Variants in CBLN2 observed in about 807,000 individuals in gnomAD.
CBLN2 encodes cerebellin-2.
CBLN2 carries 7 observed loss-of-function variants against 15.0 expected under a neutral mutation model. That is an observed-to-expected ratio of 0.47 (90% CI 0.27 to 0.88). The LOEUF (loss-of-function observed/expected upper bound fraction) is 0.88, where lower values mean the gene tolerates loss of function less well. Ranked by LOEUF, CBLN2 falls within the 40% of genes least tolerant of loss-of-function variation. The probability of loss-of-function intolerance (pLI) is 0.14; values close to 1 mark genes in which losing one functional copy is unlikely to be tolerated. For missense variants in CBLN2, 242 were observed against 304.5 expected, an observed-to-expected ratio of 0.79 and a Z score of 1.53; for synonymous variants, 149 against 135.2, an observed-to-expected ratio of 1.10 and a Z score of -0.71.
At chr18:72,601,198 T>C (rs906807694) in intron 1 of CBLN2, among the ~76,000 whole-genome samples, 1 of 152,178 alleles carries the variant, frequency 6.6e-6, no homozygotes, top group Non-Finnish European at 1.5e-5. Context: ...AAGGTTGAAG[T>C]ACAAACTCAA....
At chr18:72,597,610 C>T (rs1238882650) in intron 1 of CBLN2, among the ~76,000 whole-genome samples, 3 of 152,174 alleles carry the variant, frequency 2.0e-5, no homozygotes, top group South Asian at 2.1e-4. Context: ...CAGCCAGGCT[C>T]ATGTCCTTCT....
intron 3 of CBLN2, among the ~76,000 whole-genome samples, chr18:72,541,412 T>C (rs1411226886): frequency 6.6e-6 from 1 of 152,132 alleles, no homozygotes; most frequent in Non-Finnish European, 1.5e-5. Context: ...GAGTTTTAAA[T>C]GCACTCAATC....
intron 1 of CBLN2, among the ~76,000 whole-genome samples, chr18:72,637,281 CAA>C (rs56971218): frequency 0.087 from 13,120 of 150,234 alleles, 806 homozygotes; most frequent in Admixed American, 0.21. Context: ...ACAGAACAAG[CAA>C]AAAAAAAAAA....
intron 1 of CBLN2, chr18:72,625,346 A>C (rs954297836): frequency 6.6e-6 from 1 of 152,094 alleles, no homozygotes; most frequent in Non-Finnish European, 1.5e-5. Flanking sequence ...CAAACAATCA[A>C]GCCTTTCTGT....
At chr18:72,633,112 A>G (rs995671614) in intron 1 of CBLN2, among the ~76,000 whole-genome samples, 18 of 152,202 alleles carry the variant, frequency 1.2e-4, no homozygotes, top group African/African-American at 4.3e-4. Flanking sequence ...AAGTATTCAA[A>G]AAATCAACGG....
intron 1 of CBLN2, among the ~76,000 whole-genome samples, chr18:72,567,684 C>T (rs975504971): frequency 6.6e-6 from 1 of 152,130 alleles, no homozygotes; most frequent in Non-Finnish European, 1.5e-5. Flanking sequence ...TCCCTCTTTC[C>T]TTTTCTCTTT....
At chr18:72,608,280 G>C (rs1384624520) in intron 1 of CBLN2, among the ~76,000 whole-genome samples, 5 of 152,090 alleles carry the variant, frequency 3.3e-5, no homozygotes, top group Non-Finnish European at 7.3e-5. Context: ...CTTTTCTCCT[G>C]GGGGGATAAG....
At chr18:72,610,629 C>G (rs2069615542) in intron 1 of CBLN2, among the ~76,000 whole-genome samples, 1 of 152,160 alleles carries the variant, frequency 6.6e-6, no homozygotes, top group African/African-American at 2.4e-5. Context: ...TGTTACTCCT[C>G]TGAAGCAATG....
intron 1 of CBLN2, among the ~76,000 whole-genome samples, chr18:72,586,835 T>G (rs1469798389): frequency 1.3e-5 from 2 of 152,134 alleles, no homozygotes; most frequent in African/African-American, 4.8e-5. Flanking sequence ...GGGTGTTATT[T>G]CTGAGATTTC....
At chr18:72,582,704 C>A (rs1230442646) in intron 1 of CBLN2, among the ~76,000 whole-genome samples, 2 of 152,020 alleles carry the variant, frequency 1.3e-5, no homozygotes, top group Non-Finnish European at 2.9e-5. Context: ...AGCAGGGGCC[C>A]ACATACCCAA....
At chr18:72,636,439 G>GGGC (rs543804356) in intron 1 of CBLN2, among the ~76,000 whole-genome samples, 7 of 152,228 alleles carry the variant, frequency 4.6e-5, no homozygotes, top group Non-Finnish European at 8.8e-5. Flanking sequence ...AGAGTGGTTT[G>GGGC]GGCACCTTTC....
chr18:72,577,002 TA>T (rs2069371892), intron 1 of CBLN2, among the ~76,000 whole-genome samples: 1 of 146,978 alleles, frequency 6.8e-6, no homozygotes, highest in Admixed American at 6.9e-5. Context: ...ATAAATGTGA[TA>T]ATTTATATAT....
intron 1 of CBLN2, among the ~76,000 whole-genome samples, chr18:72,558,042 G>T (rs555707149): frequency 6.6e-6 from 1 of 152,176 alleles, no homozygotes; most frequent in Non-Finnish European, 1.5e-5. Flanking sequence ...GTCACGGAAG[G>T]TTTCCTAAAG....
intron 1 of CBLN2, among the ~76,000 whole-genome samples, chr18:72,557,196 T>A (rs997594874): frequency 1.3e-5 from 2 of 152,080 alleles, no homozygotes; most frequent in Non-Finnish European, 2.9e-5. Flanking sequence ...AATCTTTGAT[T>A]TTCTCATAAA....
intron 1 of CBLN2, among the ~76,000 whole-genome samples, chr18:72,615,650 G>T (rs2069656543): frequency 6.6e-6 from 1 of 152,106 alleles, no homozygotes; most frequent in Non-Finnish European, 1.5e-5. Flanking sequence ...TAATAATACT[G>T]CAATACAAGT....
chr18:72,546,638 G>A (rs1220299753), upstream of CBLN2, among the ~76,000 whole-genome samples: 1 of 152,124 alleles, frequency 6.6e-6, no homozygotes, highest in Non-Finnish European at 1.5e-5. Context: ...CATTCCCACA[G>A]ACAATAACAA....
chr18:72,563,717 A>G (rs1189143509), intron 1 of CBLN2, among the ~76,000 whole-genome samples: 1 of 152,194 alleles, frequency 6.6e-6, no homozygotes, highest in African/African-American at 2.4e-5. Context: ...AGCTGTGGCC[A>G]TCTGGTGGGC....
intron 1 of CBLN2, among the ~76,000 whole-genome samples, chr18:72,563,646 C>T (rs1302962071): frequency 6.6e-6 from 1 of 152,196 alleles, no homozygotes; most frequent in Non-Finnish European, 1.5e-5. Flanking sequence ...GTTCCAAGTG[C>T]ACCACCCACA....
chr18:72,619,573 C>A (rs1444549156), intron 1 of CBLN2, among the ~76,000 whole-genome samples: 2 of 152,102 alleles, frequency 1.3e-5, no homozygotes, highest in Middle Eastern at 3.2e-3. Flanking sequence ...AGAAAAGTTT[C>A]TTTTGTACCT....
Sources: allele counts gnomAD v4.1 joint callset (sites outside exome capture counted in the v4.1 genomes callset), GRCh38; gene constraint gnomAD v4.1.1; transcripts MANE v1.5; gene names NCBI Gene and HGNC (gene_info 2026-07-23, HGNC 2026-07-21).